Variants in AKAP9 observed in about 807,000 individuals in gnomAD.
The protein encoded by AKAP9 is A-kinase anchoring protein 9.
AKAP9 carries 311 observed loss-of-function variants against 488.5 expected under a neutral mutation model. The observed-to-expected ratio is 0.64, with a 90% CI of 0.58 to 0.70. The LOEUF (loss-of-function observed/expected upper bound fraction) is 0.70, where lower values mean the gene tolerates loss of function less well. Among genes scored for constraint, AKAP9 ranks in the 30% least tolerant of loss-of-function variants. The pLI is 0.00. For synonymous variants in AKAP9, 1,462 were observed against 1,483.5 expected, an observed-to-expected ratio of 0.99 and a Z score of 0.33; for missense variants, 4,215 against 4,374.5, an observed-to-expected ratio of 0.96 and a Z score of 1.03.
intron 8 of AKAP9, among the ~76,000 whole-genome samples, chr7:92,004,425 A>C (rs1371486261): frequency 1.3e-5 from 2 of 152,172 alleles, no homozygotes; most frequent in African/African-American, 4.8e-5. Context: ...CCATTTTCAC[A>C]ATATTGATTC....
At chr7:92,014,403 A>AGG (rs1801214008) in intron 10 of AKAP9, 75 bp downstream of exon 10, 1 of 1,080,358 alleles carries the variant, frequency 9.3e-7, no homozygotes, top group African/African-American at 1.6e-5. Flanking sequence ...TGGGAGGCTG[A>AGG]GGTGGTCAGA....
intron 16 of AKAP9, among the ~76,000 whole-genome samples, chr7:92,033,199 A>T (rs1804569951): frequency 2.6e-5 from 4 of 152,188 alleles, no homozygotes; most frequent in African/African-American, 9.6e-5. Flanking sequence ...CTGGTCAGTG[A>T]TGTAACAGAC....
At chr7:92,041,016 T>G (rs1806014308) in intron 18 of AKAP9, 118 bp downstream of exon 18, 2 of 858,350 alleles carry the variant, frequency 2.3e-6, no homozygotes, top group Non-Finnish European at 3.7e-6. Flanking sequence ...TTTTTTTTTT[T>G]TTTGCCGAAA....
At position 92,000,871 on chromosome 7, in the gene AKAP9, C is replaced by T. The variant is rs1799070800; in HGVS notation, c.954C>T (p.Asn318=). The T allele has an allele frequency of 7.1e-7, 1 of 1,412,932 alleles. No homozygotes were observed. The highest frequency in any genetic ancestry group is 9.5e-7 in the Non-Finnish European group (1 of 1,054,672). The allele number at this position is 1,412,932 out of a possible 1,614,324, so 87.5% of individuals were successfully genotyped here. The change falls in exon 8 of 50, where the codon AAC becomes AAT. Residue 318 remains asparagine (N), a synonymous_variant. Coordinates refer to ENST00000356239, the MANE Select transcript of AKAP9 (RefSeq NM_005751.5). The stretch of plus-strand genomic sequence containing the variant: ...AGGAACAAGATAAAAAAGTAGAAAA[C>T]TCAAATAAAGAAGAAATACAGGAAA... ...YEMEQDKKVE[N]SNKEEIQEKE...
Position 92,089,560 on chromosome 7 carries a change from A to G in AKAP9, c.9358+31A>G, listed in dbSNP as rs56295910. On this transcript the variant is annotated intron_variant, in intron 38 of 49. Transcript: ENST00000356239. ...TTGTATGACAAGCTCATATGGTTAC[A>G]CAAACAGGTGAAAAGATTTCACTTT... 0.021 allele frequency: 33,564 copies of G among 1,606,830 alleles called. 526 individuals carry two copies. Among genetic ancestry groups the G allele is most frequent in the South Asian group, 0.057 (5,105 of 90,146 alleles).
At chr7:91,977,450 G>A (rs1475093171) in intron 2 of AKAP9, among the ~76,000 whole-genome samples, 1 of 152,060 alleles carries the variant, frequency 6.6e-6, no homozygotes, top group African/African-American at 2.4e-5. Context: ...CAGCTACTCG[G>A]GAGGCTGAGG....
intron 3 of AKAP9, among the ~76,000 whole-genome samples, chr7:91,990,593 A>T (rs963872700): frequency 4.6e-5 from 7 of 152,168 alleles, no homozygotes; most frequent in Non-Finnish European, 8.8e-5. Context: ...ACATTTGCTT[A>T]TCTGAATTAG....
chr7:92,080,242 T>A, intron 31 of AKAP9, 90 bp downstream of exon 31: 2 of 981,532 alleles, frequency 2.0e-6, no homozygotes, highest in Non-Finnish European at 2.9e-6. Flanking sequence ...TGTTTACATC[T>A]AACAATTTAT....
At chr7:92,026,945 C>T (rs1259069321) in intron 14 of AKAP9, among the ~76,000 whole-genome samples, 2 of 150,726 alleles carry the variant, frequency 1.3e-5, no homozygotes, top group African/African-American at 4.9e-5. Flanking sequence ...TGCCCGGCCG[C>T]CCTGTCTGGG....
At chr7:92,043,241 G>A (rs2130786550) in intron 20 of AKAP9, 2 of 616,134 alleles carry the variant, frequency 3.2e-6, no homozygotes, top group East Asian at 1.2e-4. Flanking sequence ...CAATTTCTGT[G>A]ACTGTCAACC....
At chr7:91,963,496 A>T (rs953689840) in intron 1 of AKAP9, among the ~76,000 whole-genome samples, 279 of 145,788 alleles carry the variant, frequency 1.9e-3, no homozygotes, top group African/African-American at 7.1e-3. Flanking sequence ...ACACACACAC[A>T]CACACACACA....
At position 92,002,647 on chromosome 7, in the gene AKAP9, G is replaced by A; in HGVS notation, c.2730G>A (p.Val910=). ...TGCAAAGAATAAATCCAACTACAGT[G>A]AAAATGAAAAGTTCTGTCTTTGATG... ...LHLQRINPTT[V]KMKSSVFDED... Residue 910 remains valine (V), a synonymous_variant, in exon 8 of 50, where the codon GTG becomes GTA. Coordinates refer to ENST00000356239, the MANE Select transcript of AKAP9 (RefSeq NM_005751.5). The A allele has an allele frequency of 1.2e-6, 2 of 1,613,174 alleles. No individual in the cohort carries two copies. The highest frequency in any genetic ancestry group is 1.7e-6 in the Non-Finnish European group (2 of 1,179,552).
At position 92,016,998 on chromosome 7, in the gene AKAP9, T is replaced by A; in HGVS notation, c.3752-19T>A. 1 of 1,482,896 alleles carries A rather than the reference T, an allele frequency of 6.7e-7. No homozygotes were observed. Among genetic ancestry groups the A allele is most frequent in the East Asian group, 2.3e-5 (1 of 43,156 alleles). 91.9% of individuals were successfully genotyped at this position (1,482,896 alleles called of 1,614,324 possible). On this transcript the variant is annotated intron_variant, in intron 11 of 49. Coordinates refer to ENST00000356239, the MANE Select transcript of AKAP9 (RefSeq NM_005751.5). ...TTACTGTGAAGTGAAATTATTGTAATTGTTTGTTTACCATCCAGACTTTCA... is the reference window on the plus strand; with the variant it reads ...TTACTGTGAAGTGAAATTATTGTAAATGTTTGTTTACCATCCAGACTTTCA...
intron 3 of AKAP9, among the ~76,000 whole-genome samples, chr7:91,982,107 A>G (rs962946082): frequency 2.6e-5 from 4 of 152,106 alleles, no homozygotes; most frequent in Admixed American, 2.0e-4. Context: ...GTTTTCTCAC[A>G]TTGAGATAAT....
chr7:91,996,184 A>G (rs1327169879), intron 7 of AKAP9: 2 of 241,598 alleles, frequency 8.3e-6, no homozygotes, highest in African/African-American at 4.6e-5. Context: ...AGTTATCTTT[A>G]TTTACATAAG....
intron 28 of AKAP9, 118 bp from the exon 29 acceptor site, chr7:92,076,737 T>C: frequency 1.7e-6 from 1 of 594,050 alleles, no homozygotes; most frequent in African/African-American, 1.9e-5. Context: ...ATTCCTTTAT[T>C]CTTATGACTC....
At chr7:91,992,280 A>C (rs1343501238) in intron 4 of AKAP9, 69 bp downstream of exon 4, 4 of 1,231,262 alleles carry the variant, frequency 3.2e-6, no homozygotes, top group Non-Finnish European at 4.8e-6. Flanking sequence ...CTTACTAACA[A>C]AACTTTTTCC....
In AKAP9 at chr7:92,031,544, A is replaced by G; in HGVS notation, c.4278A>G (p.Thr1426=). ...GTGAATTTGGAGTGAAAGAGGAAAC[A>G]AATATCGTTAAGTTGCTTGAAAAAC... ...FSGEFGVKEE[T]NIVKLLEKQY... The change falls in exon 16 of 50, where the codon ACA becomes ACG. Residue 1426 remains threonine (T), a synonymous_variant. Transcript: ENST00000356239. The G allele has an allele frequency of 1.2e-6, 2 of 1,612,848 alleles. No individual in the cohort carries two copies. Among genetic ancestry groups the G allele is most frequent in the Non-Finnish European group, 8.5e-7 (1 of 1,179,208 alleles).
intron 32 of AKAP9, 76 bp from the exon 33 acceptor site, chr7:92,083,094 C>T (rs1813872332): frequency 1.3e-6 from 2 of 1,538,658 alleles, no homozygotes; most frequent in Admixed American, 3.6e-5. Flanking sequence ...ACATTCCTCC[C>T]ACACCCTTTA....
Sources: allele counts gnomAD v4.1 joint callset (sites outside exome capture counted in the v4.1 genomes callset), GRCh38; gene constraint gnomAD v4.1.1; transcripts MANE v1.5; gene names NCBI Gene and HGNC (gene_info 2026-07-23, HGNC 2026-07-21).